Variants in ZNF850 observed in about 807,000 individuals in gnomAD.
The protein encoded by ZNF850 is putative zinc finger protein ENSP00000330994.
ZNF850 carries 2 observed loss-of-function variants against 11.9 expected under a neutral mutation model. The observed-to-expected ratio is 0.17, with a 90% CI of 0.07 to 0.53. The LOEUF (loss-of-function observed/expected upper bound fraction) is 0.53. ZNF850 is among the 20% of genes least tolerant of loss of function. The pLI, the probability that ZNF850 is intolerant of heterozygous loss-of-function variation, is 0.94. For synonymous variants in ZNF850, 381 were observed against 443.0 expected (o/e 0.86, Z 1.76); for missense variants, 1,014 against 1,316.4 (o/e 0.77, Z 3.55).
intron 1 of ZNF850, among the ~76,000 whole-genome samples, chr19:36,771,592 G>C (rs552410337): frequency 6.7e-6 from 1 of 149,900 alleles, no homozygotes; most frequent in Admixed American, 6.6e-5. Context: ...AGTTTGGCCC[G>C]GGACCAATCA....
chr19:36,768,962 T>TA (rs869086147), intron 1 of ZNF850, among the ~76,000 whole-genome samples: 8,919 of 127,476 alleles, frequency 0.07, 324 homozygotes, highest in Non-Finnish European at 0.091. Flanking sequence ...ACCCTGTCTT[T>TA]AAAAAAAAAA....
At chr19:36,759,878 C>G (rs1039372260) in intron 4 of ZNF850, among the ~76,000 whole-genome samples, 8 of 152,128 alleles carry the variant, frequency 5.3e-5, no homozygotes, top group African/African-American at 1.9e-4. Context: ...AGAAAAATCC[C>G]TCAGTCTATG....
chr19:36,771,104 T>A (rs1351856605), intron 1 of ZNF850, among the ~76,000 whole-genome samples: 1 of 152,152 alleles, frequency 6.6e-6, no homozygotes, highest in Non-Finnish European at 1.5e-5. Flanking sequence ...GTTGTTAGGG[T>A]AAAGGCTCTT....
intron 4 of ZNF850, among the ~76,000 whole-genome samples, chr19:36,754,940 A>G (rs2040476827): frequency 6.6e-6 from 1 of 152,178 alleles, no homozygotes; most frequent in African/African-American, 2.4e-5. Context: ...GGATCTTTAC[A>G]TCAAATTAAC....
In ZNF850 at chr19:36,748,421, T is replaced by C; in HGVS notation, c.2619A>G (p.Glu873=). Residue 873 remains glutamate, a synonymous_variant, in exon 5 of 5, where the codon GAA becomes GAG. Coordinates refer to ENST00000591344, the MANE Select transcript of ZNF850 (RefSeq NM_001193552.2). ...AGCGAAAAGCAAAAGATTTTCCACA[T>C]TCCTTACAATGATAGGGTTTCTCAC... ...HTGEKPYHCK[E]CGKSFAFRSA... 6.4e-7 allele frequency: 1 copy of C among 1,562,664 alleles called. No homozygotes were observed. The highest frequency in any genetic ancestry group is 1.2e-5 in the South Asian group (1 of 85,644).
chr19:36,749,168 C>G lies in ZNF850; in HGVS notation c.1872G>C (p.Lys624Asn), dbSNP rs2040434409. The change falls in exon 5 of 5, where the codon AAG becomes AAC. Residue 624 changes from lysine (K) to asparagine (N), a missense_variant. Around this residue, in one of 2 missense-constraint regions of ZNF850, gnomAD observed 835 missense variants for 1,022.0 expected, o/e 0.82. Transcript: ENST00000591344. ...TAAGTCGTAAACGAAGTCTAAAGGC[C>G]TTCCCACATTCCTTACAATCATAAG... Reference protein sequence around the residue: ...EKPYDCKECGKAFRLRLRLTQ... With the variant: ...EKPYDCKECGNAFRLRLRLTQ... 1.2e-6 allele frequency: 2 copies of G among 1,601,230 alleles called. No homozygotes were observed. Among genetic ancestry groups the G allele is most frequent in the Admixed American group, 1.7e-5 (1 of 58,452 alleles).
chr19:36,762,971 G>C (rs893472141), intron 1 of ZNF850, among the ~76,000 whole-genome samples: 12 of 151,736 alleles, frequency 7.9e-5, no homozygotes, highest in Non-Finnish European at 1.2e-4. Flanking sequence ...GCTCACTGCA[G>C]CCTCAACCTC....
In ZNF850 at chr19:36,762,656, C is replaced by T. The variant is rs529993174; in HGVS notation, c.-50G>A. 3.5e-5 allele frequency: 52 copies of T among 1,505,762 alleles called. 1 individual carries two copies. The highest frequency in any genetic ancestry group is 6.9e-5 in the African/African-American group (5 of 72,520). The allele number at this position is 1,505,762 out of a possible 1,614,324, so 93.3% of individuals were successfully genotyped here. A position where few individuals can be genotyped will look rare whatever the true frequency, so the allele number is the denominator to read the frequency against. ...ACCTCCTTCATAGAATGGGACATTC[C>T]GAATATTCCATGGTTAGAGCTGGGA... On this transcript the variant is annotated 5_prime_UTR_variant, in exon 2 of 5. Transcript: ENST00000591344.
chr19:36,748,960 T>C lies in ZNF850; in HGVS notation c.2080A>G (p.Ile694Val). ...QRTYLNQHRR[I>V]HTGEKPYECK... ...TCATAAGGTTTCTCACCAGTATGAA[T>C]TCTCCGATGTTGATTAAGGTATGTA... The change falls in exon 5 of 5, where the codon ATT (isoleucine) becomes GTT (valine). Residue 694 changes from isoleucine (I) to valine (V), a missense_variant. This residue lies in a region of ZNF850 where 835 missense variants were observed against 1,022.0 expected (regional missense o/e 0.82). Coordinates refer to ENST00000591344, the MANE Select transcript of ZNF850 (RefSeq NM_001193552.2). 6.3e-7 allele frequency: 1 copy of C among 1,593,432 alleles called. No individual in the cohort carries two copies. The highest frequency in any genetic ancestry group is 1.1e-5 in the South Asian group (1 of 89,216).
chr19:36,749,816 T>G lies in ZNF850; in HGVS notation c.1224A>C (p.Leu408Phe). The change falls in exon 5 of 5, where the codon TTA becomes TTC. Residue 408 changes from leucine (L) to phenylalanine (F), a missense_variant. Transcript: ENST00000591344. ...CAGTGTGAATTGCCTGGTGTCCAAT[T>G]AACCCTGAGCGAAAAGTAAAAGATT... Reference protein sequence around the residue: ...CGKSFTFRSGLIGHQAIHTGE... With the variant: ...CGKSFTFRSGFIGHQAIHTGE... 6.4e-7 allele frequency: 1 copy of G among 1,562,944 alleles called. No homozygotes were observed. The highest frequency in any genetic ancestry group is 1.2e-5 in the South Asian group (1 of 85,498).
intron 4 of ZNF850, among the ~76,000 whole-genome samples, chr19:36,755,605 G>A (rs1037718233): frequency 2.6e-5 from 4 of 151,336 alleles, no homozygotes; most frequent in African/African-American, 9.7e-5. Context: ...AAAAAGCAAA[G>A]ACAAAACCTC....
At position 36,750,816 on chromosome 19, in the gene ZNF850, C is replaced by A. The variant is rs1420221376; in HGVS notation, c.236-12G>T. ...TCTAAACTCCGAGTCTGAAAAATAA[C>A]CAGAAAGCAAAAACATAGCATTTCC... On this transcript the variant is annotated splice_polypyrimidine_tract_variant and intron_variant, in intron 4 of 4. Coordinates refer to ENST00000591344, the MANE Select transcript of ZNF850 (RefSeq NM_001193552.2). The A allele has an allele frequency of 8.8e-6, 13 of 1,479,334 alleles. No homozygotes were observed. The highest frequency in any genetic ancestry group is 7.6e-5 in the Admixed American group (3 of 39,454). The allele number at this position is 1,479,334 out of a possible 1,614,324, so 91.6% of individuals were successfully genotyped here. A position where few individuals can be genotyped will look rare whatever the true frequency, so the allele number is the denominator to read the frequency against.
chr19:36,749,154 C>G lies in ZNF850; in HGVS notation c.1886G>C (p.Arg629Pro), dbSNP rs749905555. The G allele has an allele frequency of 6.2e-7, 1 of 1,603,076 alleles. No individual in the cohort carries two copies. The highest frequency in any genetic ancestry group is 1.3e-5 in the African/African-American group (1 of 74,148). ...TTGTTGATGTTGAGTAAGTCGTAAA[C>G]GAAGTCTAAAGGCCTTCCCACATTC... ...CKECGKAFRL[R>P]LRLTQHQQIH... The change falls in exon 5 of 5, where the codon CGT becomes CCT. Residue 629 changes from arginine (R) to proline (P), a missense_variant. Transcript: ENST00000591344.
chr19:36,749,724 T>C lies in ZNF850; in HGVS notation c.1316A>G (p.His439Arg). 6.4e-7 allele frequency: 1 copy of C among 1,559,704 alleles called. No homozygotes were observed. The highest frequency in any genetic ancestry group is 8.7e-7 in the Non-Finnish European group (1 of 1,154,370). Residue 439 changes from histidine to arginine, a missense_variant, in exon 5 of 5, where the codon CAT becomes CGT. This residue lies in a region of ZNF850 where 835 missense variants were observed against 1,022.0 expected (regional missense o/e 0.82). Transcript: ENST00000591344. ...SFTAGSTLIQ[H>R]QRIHTGEKPY... is the part of the protein sequence containing the mutation. ...TTTCTCACCAGTGTGAATTCGCTGA[T>C]GTTGAATTAGTGTTGAGCCAGCAGT... is the stretch of plus-strand genomic sequence containing the variant.
chr19:36,772,469 C>T (rs1018565845), intron 1 of ZNF850, among the ~76,000 whole-genome samples: 1 of 152,122 alleles, frequency 6.6e-6, no homozygotes, highest in Non-Finnish European at 1.5e-5. Flanking sequence ...CGCAAAGTCA[C>T]ACACCCACCC....
intron 1 of ZNF850, among the ~76,000 whole-genome samples, chr19:36,768,962 TAAA>T (rs869086147): frequency 1.6e-5 from 2 of 127,476 alleles, no homozygotes; most frequent in Non-Finnish European, 3.4e-5. Context: ...ACCCTGTCTT[TAAA>T]AAAAAAAAAA....
At chr19:36,754,081 A>G (rs2040470596) in intron 4 of ZNF850, among the ~76,000 whole-genome samples, 1 of 149,998 alleles carries the variant, frequency 6.7e-6, no homozygotes, top group Non-Finnish European at 1.5e-5. Context: ...AGGTATGCAG[A>G]TTGCTTGAGC....
rs563438125 is a variant in ZNF850, at chr19:36,750,278, C to T, written c.762G>A (p.Glu254=). ...QKMYTDERPH[E]CQESVKAFRP... The stretch of plus-strand genomic sequence containing the variant: ...TAAAGGCCTTCACGGATTCCTGACA[C>T]TCATGAGGTCTCTCATCTGTATACA... The change falls in exon 5 of 5, where the codon GAG becomes GAA. Residue 254 remains glutamate, a synonymous_variant. Coordinates refer to ENST00000591344, the MANE Select transcript of ZNF850 (RefSeq NM_001193552.2). The T allele has an allele frequency of 1.8e-5, 28 of 1,536,840 alleles. No individual in the cohort carries two copies. In the South Asian group the frequency reaches 2.9e-4, roughly 16 times the overall value.
rs1465381562 is a variant in ZNF850, at chr19:36,748,496, T to G, written c.2544A>C (p.Lys848Asn). 2 of 1,539,526 alleles carry G rather than the reference T, an allele frequency of 1.3e-6. No individual in the cohort carries two copies. The highest frequency in any genetic ancestry group is 2.0e-5 in the Admixed American group (1 of 51,012). Reference sequence around the variant, plus strand: ...TTAGTGTTGAGCGAGAAGTAAAAGATTTCCCACATTCTTTACAACTGTAGC... The same window carrying G: ...TTAGTGTTGAGCGAGAAGTAAAAGAGTTCCCACATTCTTTACAACTGTAGC... ...EKRYSCKECG[K>N]SFTSRSTLIE... Residue 848 changes from lysine to asparagine, a missense_variant, in exon 5 of 5, where the codon AAA (lysine) becomes AAC (asparagine). By Grantham distance (94) the Lys-to-Asn change is moderately conservative. Transcript: ENST00000591344.
Sources: allele counts gnomAD v4.1 joint callset (sites outside exome capture counted in the v4.1 genomes callset), GRCh38; gene constraint gnomAD v4.1.1; regional missense constraint gnomAD v4.1.1; transcripts MANE v1.5; gene names NCBI Gene and HGNC (gene_info 2026-07-23, HGNC 2026-07-21).